VPS13C: variants seen among roughly 807,000 people sequenced by gnomAD.
VPS13C encodes the protein vacuolar protein sorting 13 homolog C.
A neutral mutation model predicts 456.8 loss-of-function variants in VPS13C; 358 were observed. The ratio of observed to expected loss-of-function variants is 0.78; its 90% CI spans 0.72 to 0.86. The LOEUF (loss-of-function observed/expected upper bound fraction) is 0.86. Ranked by LOEUF, VPS13C falls within the 40% of genes least tolerant of loss-of-function variation. The probability of loss-of-function intolerance (pLI) is 0.00; values close to 1 mark genes in which losing one functional copy is unlikely to be tolerated. For missense variants in VPS13C, 4,818 were observed against 4,385.4 expected (o/e 1.10, Z -2.79); for synonymous variants, 1,578 against 1,486.7 (o/e 1.06, Z -1.41).
In VPS13C at chr15:62,023,825, T is replaced by C. The variant is rs1291240063; in HGVS notation, c.469A>G (p.Lys157Glu). The stretch of plus-strand genomic sequence containing the variant: ...TTAAAAGGTTTCTTAAAATGTTTTT[T>C]GTGCTTTTTACGTTTACGTCCTTCA... ...IKPGRKRKKH[K>E]KHFKKPFKGL... The change falls in exon 7 of 85, where the codon AAA (lysine) becomes GAA (glutamate). Residue 157 changes from lysine (K) to glutamate (E), a missense_variant. Transcript: ENST00000644861. 2 of 1,611,350 alleles carry C rather than the reference T, an allele frequency of 1.2e-6. No homozygotes were observed. Among genetic ancestry groups the C allele is most frequent in the Admixed American group, 3.3e-5 (2 of 59,906 alleles).
chr15:61,972,208 C>T (rs1596402875), intron 27 of VPS13C, among the ~76,000 whole-genome samples: 2 of 152,124 alleles, frequency 1.3e-5, no homozygotes, highest in African/African-American at 4.8e-5. Flanking sequence ...CTTTTAAAGG[C>T]TGTAAACGTA....
At chr15:61,986,081 AC>A (rs2046042368) in intron 18 of VPS13C, among the ~76,000 whole-genome samples, 1 of 151,436 alleles carries the variant, frequency 6.6e-6, no homozygotes, top group South Asian at 2.1e-4. Flanking sequence ...GCACATATAC[AC>A]ATACACACAC....
At chr15:62,033,866 C>A (rs1054894213) in intron 4 of VPS13C, among the ~76,000 whole-genome samples, 1 of 151,522 alleles carries the variant, frequency 6.6e-6, no homozygotes, top group Admixed American at 6.6e-5. Flanking sequence ...ACTGCTCTAT[C>A]AGTGGTAAAT....
chr15:62,027,257 T>G (rs1424266492), intron 6 of VPS13C, among the ~76,000 whole-genome samples: 1 of 151,994 alleles, frequency 6.6e-6, no homozygotes, highest in African/African-American at 2.4e-5. Flanking sequence ...AAAAAAAAAC[T>G]GAATCAATGA....
intron 82 of VPS13C, among the ~76,000 whole-genome samples, chr15:61,861,845 A>G (rs1202660315): frequency 6.6e-6 from 1 of 152,234 alleles, no homozygotes; most frequent in African/African-American, 2.4e-5. Context: ...CATGCCTGTA[A>G]TCCTGGCACT....
intron 41 of VPS13C, 71 bp from the exon 42 acceptor site, chr15:61,949,676 A>G (rs1212749151): frequency 9.6e-6 from 14 of 1,462,994 alleles, no homozygotes; most frequent in Admixed American, 4.7e-5. Flanking sequence ...TTCAACAGAT[A>G]TAAGTAGCAC....
rs1418607408 is a variant in VPS13C, at chr15:61,978,737, C to T, written c.2179G>A (p.Asp727Asn). Residue 727 changes from aspartate to asparagine, a missense_variant, in exon 23 of 85, where the codon GAT becomes AAT. Around this residue, in one of 3 missense-constraint regions of VPS13C, gnomAD observed 4,552 missense variants for 4,130.6 expected, o/e 1.10. Transcript: ENST00000644861. ...DFGTFQLNSK[D>N]QGLQKTTNSS... ...TTAGTAGTCTTCTGTAAACCTTGAT[C>T]TTTACTGTTGAGCTAAAATGAAGGA... 1.9e-6 allele frequency: 3 copies of T among 1,602,164 alleles called. No homozygotes were observed. Among genetic ancestry groups the T allele is most frequent in the Non-Finnish European group, 2.6e-6 (3 of 1,175,942 alleles).
At chr15:62,032,992 A>G (rs1249097161) in intron 5 of VPS13C, among the ~76,000 whole-genome samples, 1 of 151,744 alleles carries the variant, frequency 6.6e-6, no homozygotes. Context: ...TTTTTTTAAT[A>G]TCCTGTACAA....
chr15:61,897,170 C>T (rs2042849106), intron 66 of VPS13C, among the ~76,000 whole-genome samples: 1 of 152,140 alleles, frequency 6.6e-6, no homozygotes, highest in African/African-American at 2.4e-5. Context: ...AACAGAAAAA[C>T]TGGAAACTCT....
In VPS13C at chr15:62,019,386, G is replaced by A. The variant is rs577485622; in HGVS notation, c.684+1093C>T. 2.6e-5 allele frequency among the ~76,000 whole-genome samples: 4 copies of A among 152,180 alleles called. No homozygotes were observed. In the South Asian group the frequency reaches 8.3e-4, roughly 32 times the overall value. Reference sequence around the variant, plus strand: ...GTTCTTTTAATTGTGATGTTAGGGTGTCAATTTTAGATCCTTCCTGCTTTC... The same window carrying A: ...GTTCTTTTAATTGTGATGTTAGGGTATCAATTTTAGATCCTTCCTGCTTTC... On this transcript the variant is annotated intron_variant, in intron 9 of 84. Transcript: ENST00000644861.
chr15:62,009,812 T>C (rs576162919), intron 13 of VPS13C, among the ~76,000 whole-genome samples: 139 of 152,282 alleles, frequency 9.1e-4, no homozygotes, highest in African/African-American at 3.0e-3. Context: ...GCTGCCAACA[T>C]AGCTGTTCTA....
In VPS13C at chr15:62,041,768, C is replaced by T. The variant is rs144401789; in HGVS notation, c.145-402G>A. ...CCAGGAGGCAGAGGTTGCAGTGAGT[C>T]GGGATCGCGCCACTGCACTCCAGCC... On this transcript the variant is annotated intron_variant, in intron 2 of 84. Coordinates refer to ENST00000644861, the MANE Select transcript of VPS13C (RefSeq NM_020821.3). Among the ~76,000 whole-genome samples, 150 of 151,868 alleles carry T rather than the reference C, an allele frequency of 9.9e-4. 3 individuals are homozygous for T. In the East Asian group the frequency reaches 0.021, roughly 22 times the overall value.
At chr15:62,026,459 T>G (rs1002200325) in intron 6 of VPS13C, among the ~76,000 whole-genome samples, 3 of 152,106 alleles carry the variant, frequency 2.0e-5, no homozygotes, top group African/African-American at 7.2e-5. Context: ...GATCTCAAGT[T>G]GGCAAATACA....
intron 26 of VPS13C, among the ~76,000 whole-genome samples, chr15:61,973,046 C>A (rs2045601475): frequency 6.6e-6 from 1 of 152,134 alleles, no homozygotes. Context: ...TGGGCATTAT[C>A]TACCACGTAT....
chr15:61,912,013 AGG>A lies in VPS13C; in HGVS notation c.8551-11_8551-10del. The A allele has an allele frequency of 6.4e-7, 1 of 1,565,970 alleles. No individual in the cohort carries two copies. The highest frequency in any genetic ancestry group is 8.7e-7 in the Non-Finnish European group (1 of 1,154,696). ...TTGATGCTAACACCAACCTGTGGAA[AGG>A]AAAAAAGCTTATTTTCCAGTTTATT... On this transcript the variant is annotated splice_polypyrimidine_tract_variant and intron_variant, in intron 62 of 84. Coordinates refer to ENST00000644861, the MANE Select transcript of VPS13C (RefSeq NM_020821.3).
chr15:61,861,937 T>C (rs1242478518), intron 82 of VPS13C, among the ~76,000 whole-genome samples: 1 of 151,906 alleles, frequency 6.6e-6, no homozygotes, highest in Non-Finnish European at 1.5e-5. Flanking sequence ...CCGTCTCTAA[T>C]AAAAATACAA....
At chr15:62,019,305 C>A (rs1048493529) in intron 9 of VPS13C, among the ~76,000 whole-genome samples, 1 of 151,912 alleles carries the variant, frequency 6.6e-6, no homozygotes, top group African/African-American at 2.4e-5. Context: ...CTGCTCTGAT[C>A]TTAGTTATTT....
At chr15:61,950,327 C>A (rs748368497) in intron 41 of VPS13C, 31 bp downstream of exon 41, 3 of 1,560,430 alleles carry the variant, frequency 1.9e-6, no homozygotes, top group South Asian at 1.1e-5. Flanking sequence ...TCAACACAAC[C>A]CAACCTTATA....
intron 52 of VPS13C, 123 bp from the exon 53 acceptor site, chr15:61,925,671 C>T: frequency 3.6e-6 from 2 of 559,096 alleles, no homozygotes; most frequent in Non-Finnish European, 5.6e-6. Flanking sequence ...ATACTAAAAG[C>T]AAAAAAGCAA....
Sources: gnomAD v4.1 joint callset for allele counts (sites outside exome capture counted in the v4.1 genomes callset) on GRCh38, gnomAD v4.1.1 for gene constraint, gnomAD v4.1.1 regional missense constraint, MANE v1.5 for transcripts, NCBI Gene and HGNC (gene_info 2026-07-23, HGNC 2026-07-21) for gene names.